Variants in CUL5 observed in about 807,000 individuals in gnomAD.
The protein encoded by CUL5 is cullin-5.
In CUL5, 26 loss-of-function variants were observed where a neutral mutation model predicts 108.8. That is an observed-to-expected ratio of 0.24 (90% CI 0.18 to 0.33). The LOEUF (loss-of-function observed/expected upper bound fraction) is 0.33, where lower values mean the gene tolerates loss of function less well. CUL5 is among the 10% of genes least tolerant of loss of function. CUL5 has a pLI of 1.00. For missense variants in CUL5, 524 were observed against 909.2 expected (o/e 0.58, Z 5.45); for synonymous variants, 334 against 298.0 (o/e 1.12, Z -1.25).
chr11:108,094,968 A>C lies in CUL5; in HGVS notation c.1724A>C (p.His575Pro). Residue 575 changes from histidine (H) to proline (P), a missense_variant, in exon 15 of 19, where the codon CAT becomes CCT. Coordinates refer to ENST00000393094, the MANE Select transcript of CUL5 (RefSeq NM_003478.6). ...AGTGGTAGAAAATTACATTGGCATC[A>C]TCTCATGTCAAATGGAATTGTAAGT... ...NHSGRKLHWH[H>P]LMSNGIITFK... The C allele has an allele frequency of 6.2e-7, 1 of 1,608,526 alleles. No individual in the cohort carries two copies. The highest frequency in any genetic ancestry group is 1.3e-5 in the African/African-American group (1 of 74,764).
At chr11:108,076,525 T>G (rs1863945478) in intron 10 of CUL5, among the ~76,000 whole-genome samples, 1 of 152,220 alleles carries the variant, frequency 6.6e-6, no homozygotes, top group Admixed American at 6.5e-5. Flanking sequence ...TACCTATAAG[T>G]GAGATCATGC....
chr11:108,037,412 A>G (rs965482773), intron 2 of CUL5, among the ~76,000 whole-genome samples: 1 of 152,098 alleles, frequency 6.6e-6, no homozygotes, highest in African/African-American at 2.4e-5. Context: ...TCCCAAGGTC[A>G]CCCCTAGGCT....
chr11:108,059,386 G>T (rs912909212), intron 7 of CUL5, among the ~76,000 whole-genome samples: 1 of 152,106 alleles, frequency 6.6e-6, no homozygotes, highest in Non-Finnish European at 1.5e-5. Context: ...TACAATAGAG[G>T]AATAGAAAAG....
At chr11:108,097,833 C>T (rs1864537008) in intron 17 of CUL5, 79 bp downstream of exon 17, 10 of 755,048 alleles carry the variant, frequency 1.3e-5, no homozygotes, top group Admixed American at 4.4e-5. Flanking sequence ...TAATTGTTTT[C>T]CTTACATTAT....
At chr11:108,077,864 A>G (rs1017065453) in intron 10 of CUL5, among the ~76,000 whole-genome samples, 1 of 151,502 alleles carries the variant, frequency 6.6e-6, no homozygotes, top group Non-Finnish European at 1.5e-5. Flanking sequence ...CAGGAGAATC[A>G]CTTGAACCCA....
Position 108,009,282 on chromosome 11 carries a change from C to T in CUL5, c.-67C>T. ...GGGCCCTGGTGGGAGCTCCGGCCTC[C>T]GGTCAAGGCCTGGCCGGGAGCGCCA... On this transcript the variant is annotated 5_prime_UTR_variant, in exon 1 of 19. Transcript: ENST00000393094. 2.5e-6 allele frequency: 4 copies of T among 1,587,402 alleles called. No homozygotes were observed. Among genetic ancestry groups the T allele is most frequent in the Admixed American group, 1.7e-5 (1 of 59,184 alleles).
In CUL5 at chr11:108,094,935, A is replaced by G. The variant is rs756754508; in HGVS notation, c.1691A>G (p.Lys564Arg). The change falls in exon 15 of 19, where the codon AAA becomes AGA. Residue 564 changes from lysine (K) to arginine (R), a missense_variant. Lys to Arg is a conservative substitution (Grantham distance 26). Around this residue, in one of 8 missense-constraint regions of CUL5, gnomAD observed 64 missense variants for 152.0 expected, o/e 0.42. Transcript: ENST00000393094. ...LIPEVEEFYK[K>R]NHSGRKLHWH... ...CCGGAAGTAGAAGAATTCTACAAAA[A>G]AAATCATAGTGGTAGAAAATTACAT... 1 of 1,613,606 alleles carries G rather than the reference A, an allele frequency of 6.2e-7. No individual in the cohort carries two copies. Among genetic ancestry groups the G allele is most frequent in the Non-Finnish European group, 8.5e-7 (1 of 1,179,720 alleles).
At chr11:108,096,827 A>C (rs565080617) in intron 16 of CUL5, among the ~76,000 whole-genome samples, 4 of 151,964 alleles carry the variant, frequency 2.6e-5, no homozygotes, top group Non-Finnish European at 1.5e-5. Flanking sequence ...CGGCCTCCCA[A>C]AATGCTGGGA....
At chr11:108,070,059 C>G (rs764325298) in intron 7 of CUL5, 37 bp from the exon 8 acceptor site, 5 of 1,362,832 alleles carry the variant, frequency 3.7e-6, no homozygotes, top group Admixed American at 3.5e-5. Context: ...TGCTATACAG[C>G]TTATAGTAGC....
At chr11:108,082,662 T>TC (rs1326485954) in intron 11 of CUL5, among the ~76,000 whole-genome samples, 2 of 152,132 alleles carry the variant, frequency 1.3e-5, no homozygotes. Flanking sequence ...TTCTTTTTTT[T>TC]CAGACAGGGT....
At chr11:108,012,634 T>C (rs1862083371) in intron 1 of CUL5, among the ~76,000 whole-genome samples, 1 of 151,950 alleles carries the variant, frequency 6.6e-6, no homozygotes, top group South Asian at 2.1e-4. Context: ...TCGCTCTTGT[T>C]GCCCAGGCTG....
rs1196322034 is a variant in CUL5 at position 108,094,751 on chromosome 11, A to G, written c.1568-61A>G. 3.8e-6 allele frequency: 5 copies of G among 1,302,070 alleles called. No individual in the cohort carries two copies. The African/African-American group carries it at 6.0e-5, about 16-fold the overall frequency. The allele number at this position is 1,302,070 out of a possible 1,614,324, so 80.7% of individuals were successfully genotyped here. On this transcript the variant is annotated intron_variant, in intron 14 of 18. Coordinates refer to ENST00000393094, the MANE Select transcript of CUL5 (RefSeq NM_003478.6). ...GATTTTTCACCCAAAGTTACCCTGTATTTATTTTGAATTTTATCCATTGTT... is the reference window on the plus strand; with the variant it reads ...GATTTTTCACCCAAAGTTACCCTGTGTTTATTTTGAATTTTATCCATTGTT...
chr11:108,066,007 T>C (rs1863667574), intron 7 of CUL5, among the ~76,000 whole-genome samples: 1 of 152,228 alleles, frequency 6.6e-6, no homozygotes, highest in Non-Finnish European at 1.5e-5. Flanking sequence ...GGATAATCTT[T>C]CATAAACATC....
At chr11:108,103,592 T>A (rs1864722406) in intron 18 of CUL5, among the ~76,000 whole-genome samples, 1 of 151,898 alleles carries the variant, frequency 6.6e-6, no homozygotes, top group South Asian at 2.1e-4. Context: ...AAGGGAAAAA[T>A]TTGGTGTAAG....
chr11:108,064,457 C>T (rs141548810), intron 7 of CUL5, among the ~76,000 whole-genome samples: 1,795 of 152,256 alleles, frequency 0.012, 11 homozygotes, highest in Middle Eastern at 0.048. Flanking sequence ...CCTGTAATCC[C>T]AGCACATTAG....
intron 18 of CUL5, among the ~76,000 whole-genome samples, chr11:108,101,285 G>C (rs1181850868): frequency 1.3e-5 from 2 of 152,192 alleles, no homozygotes; most frequent in East Asian, 3.9e-4. Flanking sequence ...ACAGTAAAGG[G>C]AGTGTCATAT....
chr11:108,058,838 C>G (rs146858776), intron 7 of CUL5, among the ~76,000 whole-genome samples: 7 of 152,186 alleles, frequency 4.6e-5, no homozygotes, highest in Admixed American at 2.0e-4. Context: ...TTCTAATAAG[C>G]TTGATTATCA....
At chr11:108,101,880 C>A (rs1864679506) in intron 18 of CUL5, among the ~76,000 whole-genome samples, 1 of 152,232 alleles carries the variant, frequency 6.6e-6, no homozygotes, top group African/African-American at 2.4e-5. Context: ...AAGGAACACA[C>A]TTTCCTTCTT....
intron 1 of CUL5, among the ~76,000 whole-genome samples, chr11:108,009,578 T>C (rs1862009001): frequency 6.6e-6 from 1 of 151,548 alleles, no homozygotes; most frequent in Admixed American, 6.6e-5. Flanking sequence ...TCCCGCCGAC[T>C]GGCCGCTGGG....
Sources: allele counts gnomAD v4.1 joint callset (sites outside exome capture counted in the v4.1 genomes callset), GRCh38; gene constraint gnomAD v4.1.1; regional missense constraint gnomAD v4.1.1; transcripts MANE v1.5; gene names NCBI Gene and HGNC (gene_info 2026-07-23, HGNC 2026-07-21).